The following ANKRD17 variants were observed in gnomAD, a reference collection of about 807,000 sequenced individuals.
The protein encoded by ANKRD17 is ankyrin repeat domain 17, also known as ankyrin repeat domain-containing protein 17.
ANKRD17 carries 19 observed loss-of-function variants against 229.7 expected under a neutral mutation model. That is an observed-to-expected ratio of 0.08 (90% CI 0.06 to 0.12). The LOEUF is 0.12. Ranked by LOEUF, ANKRD17 falls within the 10% of genes least tolerant of loss-of-function variation. The pLI, the probability that ANKRD17 is intolerant of heterozygous loss-of-function variation, is 1.00. For synonymous variants in ANKRD17, 1,112 were observed against 1,146.1 expected, an observed-to-expected ratio of 0.97 and a Z score of 0.60; for missense variants, 2,176 against 3,176.8, an observed-to-expected ratio of 0.68 and a Z score of 7.57.
At chr4:73,247,491 T>C (rs1744603450) in intron 1 of ANKRD17, among the ~76,000 whole-genome samples, 1 of 152,028 alleles carries the variant, frequency 6.6e-6, no homozygotes, top group Non-Finnish European at 1.5e-5. Flanking sequence ...AAATAAATTA[T>C]GAACATTTAT....
rs1166428395 is a variant in ANKRD17, at chr4:73,102,256, C to T, written c.4573+120G>A. On this transcript the variant is annotated intron_variant, in intron 25 of 33. Coordinates refer to ENST00000358602, the MANE Select transcript of ANKRD17 (RefSeq NM_032217.5). ...GGGATTACGGGCGTGAGCCACTGTG[C>T]CTGGCCTATGTTAAGGGGTTAATAA... 7.7e-6 allele frequency: 8 copies of T among 1,044,686 alleles called. No individual in the cohort carries two copies. The East Asian group carries it at 1.9e-4, about 25-fold the overall frequency. 64.7% of individuals were successfully genotyped at this position (1,044,686 alleles called of 1,614,324 possible). A position where few individuals can be genotyped will look rare whatever the true frequency, so the allele number is the denominator to read the frequency against.
chr4:73,162,869 T>C (rs1359329102), intron 2 of ANKRD17, among the ~76,000 whole-genome samples: 1 of 151,926 alleles, frequency 6.6e-6, no homozygotes, highest in African/African-American at 2.4e-5. Flanking sequence ...TTGTTTTTGT[T>C]TTTGTTTTAA....
chr4:73,232,571 T>A (rs1322204222), intron 1 of ANKRD17, among the ~76,000 whole-genome samples: 1 of 152,194 alleles, frequency 6.6e-6, no homozygotes, highest in Non-Finnish European at 1.5e-5. Flanking sequence ...CACATTTGTA[T>A]TCTACACAAC....
chr4:73,163,591 A>G lies in ANKRD17; in HGVS notation c.548-2243T>C, dbSNP rs147255224. 2.0e-3 allele frequency among the ~76,000 whole-genome samples: 308 copies of G among 152,366 alleles called. 1 individual carries two copies. Among genetic ancestry groups the G allele is most frequent in the African/African-American group, 7.0e-3 (291 of 41,586 alleles). ...AGTATGTAACAGTGAAAGGTGTTCA[A>G]TAATATCACATAAGTTTCATGTTTA... On this transcript the variant is annotated intron_variant, in intron 2 of 33. Transcript: ENST00000358602.
At chr4:73,211,316 G>C (rs1356453411) in intron 1 of ANKRD17, among the ~76,000 whole-genome samples, 3 of 152,064 alleles carry the variant, frequency 2.0e-5, no homozygotes, top group African/African-American at 7.2e-5. Context: ...GGTAATAACA[G>C]GGTATTAGGA....
chr4:73,145,576 T>C (rs1730164425), intron 10 of ANKRD17, among the ~76,000 whole-genome samples: 1 of 152,180 alleles, frequency 6.6e-6, no homozygotes, highest in African/African-American at 2.4e-5. Context: ...CAATTTCTGA[T>C]TTTTCTCTTA....
chr4:73,148,182 T>C (rs914694316), intron 8 of ANKRD17, among the ~76,000 whole-genome samples: 5 of 151,992 alleles, frequency 3.3e-5, no homozygotes, highest in Non-Finnish European at 5.9e-5. Context: ...AAAACAAAAG[T>C]TTTTTTTAAA....
intron 16 of ANKRD17, among the ~76,000 whole-genome samples, chr4:73,131,232 G>A (rs988235596): frequency 6.6e-6 from 1 of 152,208 alleles, no homozygotes; most frequent in African/African-American, 2.4e-5. Flanking sequence ...TGGCAAGTGA[G>A]TTCTAGTTGT....
intron 1 of ANKRD17, among the ~76,000 whole-genome samples, chr4:73,256,280 G>A (rs1000486170): frequency 4.6e-5 from 7 of 152,136 alleles, no homozygotes; most frequent in East Asian, 1.9e-4. Context: ...TTATTAGGCC[G>A]CATTCCAATG....
intron 1 of ANKRD17, among the ~76,000 whole-genome samples, chr4:73,181,419 G>A (rs1030973497): frequency 1.3e-5 from 2 of 152,032 alleles, no homozygotes; most frequent in African/African-American, 2.4e-5. Context: ...GTTCAGCGAG[G>A]AAAAAGAGAA....
At chr4:73,135,791 A>C (rs1320249022) in intron 15 of ANKRD17, among the ~76,000 whole-genome samples, 1 of 152,192 alleles carries the variant, frequency 6.6e-6, no homozygotes, top group Non-Finnish European at 1.5e-5. Context: ...GGGATATAGT[A>C]ATATTCTGCA....
Position 73,090,685 on chromosome 4 carries a change from G to A in ANKRD17, c.6943C>T (p.Pro2315Ser). The A allele has an allele frequency of 6.2e-7, 1 of 1,614,188 alleles. No individual in the cohort carries two copies. Among genetic ancestry groups the A allele is most frequent in the Non-Finnish European group, 8.5e-7 (1 of 1,180,030 alleles). ...AACTCACCTGAGGGACTTGGAGCAG[G>A]TCTCTGTAATGGTGGTCTAAAACCT... ...APGFRPPLQR[P>S]APSPSGIVNM... Residue 2315 changes from proline to serine, a missense_variant, in exon 29 of 34, where the codon CCT (proline) becomes TCT (serine). By Grantham distance (74) the Pro-to-Ser change is moderately conservative. Coordinates refer to ENST00000358602, the MANE Select transcript of ANKRD17 (RefSeq NM_032217.5).
Position 73,078,815 on chromosome 4 carries a change from T to C in ANKRD17, c.7235A>G (p.Glu2412Gly). ...GTCCTGAGACACATTGCTGGGCTTT[T>C]CTGACCCTAACGGTACTGATGATGG... is the stretch of plus-strand genomic sequence containing the variant. ...PAPSSVPLGSEKPSNVSQDRK... is the reference protein window; with the variant it reads ...PAPSSVPLGSGKPSNVSQDRK... Residue 2412 changes from glutamate to glycine, a missense_variant, in exon 31 of 34, where the codon GAA becomes GGA. Glu to Gly is a moderately conservative substitution (Grantham distance 98, BLOSUM62 -2). Transcript: ENST00000358602. 6.2e-7 allele frequency: 1 copy of C among 1,614,168 alleles called. No individual in the cohort carries two copies. Among genetic ancestry groups the C allele is most frequent in the South Asian group, 1.1e-5 (1 of 91,084 alleles).
At chr4:73,161,618 C>G (rs1025590679) in intron 2 of ANKRD17, among the ~76,000 whole-genome samples, 1 of 152,056 alleles carries the variant, frequency 6.6e-6, no homozygotes, top group African/African-American at 2.4e-5. Flanking sequence ...CAATTAGACT[C>G]TGTCATATCT....
rs1397771657 is a variant in ANKRD17, at chr4:73,118,931, G to C, written c.4026-81C>G. On this transcript the variant is annotated intron_variant, in intron 21 of 33. Transcript: ENST00000358602. ...ATACAGGGTCTTGCTCTGTCACACA[G>C]GCTGGAGTGCAGTGGTGAGATCATG... 4.3e-6 allele frequency: 6 copies of C among 1,403,090 alleles called. No homozygotes were observed. The African/African-American group carries it at 8.1e-5, about 19-fold the overall frequency. 86.9% of individuals were successfully genotyped at this position (1,403,090 alleles called of 1,614,324 possible). A position where few individuals can be genotyped will look rare whatever the true frequency, so the allele number is the denominator to read the frequency against.
At chr4:73,185,366 C>T (rs955163070) in intron 1 of ANKRD17, among the ~76,000 whole-genome samples, 3 of 151,806 alleles carry the variant, frequency 2.0e-5, no homozygotes, top group African/African-American at 7.2e-5. Context: ...AGCTGGTAAT[C>T]TGAATTTTAA....
chr4:73,198,519 T>C (rs575561062), intron 1 of ANKRD17, among the ~76,000 whole-genome samples: 1 of 152,236 alleles, frequency 6.6e-6, no homozygotes, highest in African/African-American at 2.4e-5. Context: ...GAATGAAATA[T>C]GTATATGCAA....
At chr4:73,141,195 T>A (rs1231443578) in intron 14 of ANKRD17, among the ~76,000 whole-genome samples, 1 of 152,206 alleles carries the variant, frequency 6.6e-6, no homozygotes, top group Non-Finnish European at 1.5e-5. Flanking sequence ...ATAAAATGTT[T>A]GGGGACATTA....
intron 1 of ANKRD17, among the ~76,000 whole-genome samples, chr4:73,218,426 T>A (rs1741386796): frequency 6.6e-6 from 1 of 152,124 alleles, no homozygotes; most frequent in Non-Finnish European, 1.5e-5. Context: ...GCAGATCACC[T>A]GAGATCAGGA....
Sources: allele counts gnomAD v4.1 joint callset (sites outside exome capture counted in the v4.1 genomes callset), GRCh38; gene constraint gnomAD v4.1.1; transcripts MANE v1.5; gene names NCBI Gene and HGNC (gene_info 2026-07-23, HGNC 2026-07-21).